The following DNMT3B variants were observed in gnomAD, a reference collection of about 807,000 sequenced individuals.
DNMT3B encodes DNA methyltransferase 3 beta.
A neutral mutation model predicts 120.2 loss-of-function variants in DNMT3B; 37 were observed. The observed-to-expected ratio is 0.31, with a 90% CI of 0.24 to 0.40. DNMT3B has a LOEUF of 0.40. Ranked by LOEUF, DNMT3B falls within the 10% of genes least tolerant of loss-of-function variation. The pLI is 1.00. For missense variants in DNMT3B, 878 were observed against 1,137.3 expected, an observed-to-expected ratio of 0.77 and a Z score of 3.28; for synonymous variants, 412 against 442.8, an observed-to-expected ratio of 0.93 and a Z score of 0.87.
intron 1 of DNMT3B, among the ~76,000 whole-genome samples, chr20:32,769,395 C>T (rs1392023273): frequency 6.6e-6 from 1 of 152,162 alleles, no homozygotes; most frequent in African/African-American, 2.4e-5. Flanking sequence ...CCCACTGTTG[C>T]AAATTTCTTT....
chr20:32,806,015 G>T (rs965501357), intron 21 of DNMT3B, among the ~76,000 whole-genome samples, 194 bp from the exon 22 acceptor site: 3 of 151,666 alleles, frequency 2.0e-5, no homozygotes, highest in Non-Finnish European at 4.4e-5. Flanking sequence ...TCTGCTTTTC[G>T]CTCCCTGCCC....
intron 22 of DNMT3B, among the ~76,000 whole-genome samples, chr20:32,806,825 AT>A (rs3838010): frequency 0.47 from 71,328 of 151,730 alleles, 17,797 homozygotes; most frequent in East Asian, 0.92. Context: ...TTGTTTGTTC[AT>A]TTTGCTTATA....
intron 15 of DNMT3B, 131 bp from the exon 16 acceptor site, chr20:32,799,113 C>T (rs896283981): frequency 1.0e-6 from 1 of 971,128 alleles, no homozygotes; most frequent in Non-Finnish European, 1.6e-6. Context: ...CCCATCAAGC[C>T]TTCAGTGGGC....
chr20:32,783,679 G>A (rs111701189), intron 3 of DNMT3B, among the ~76,000 whole-genome samples: 1 of 152,014 alleles, frequency 6.6e-6, no homozygotes, highest in Non-Finnish European at 1.5e-5. Flanking sequence ...CTGGTAGCTA[G>A]TTACCAGAAA....
intron 1 of DNMT3B, among the ~76,000 whole-genome samples, chr20:32,773,428 A>T (rs1028456515): frequency 1.3e-5 from 2 of 152,042 alleles, no homozygotes; most frequent in African/African-American, 4.8e-5. Flanking sequence ...TGGGGTGGAT[A>T]CTTCTTGATT....
intron 1 of DNMT3B, among the ~76,000 whole-genome samples, chr20:32,779,341 A>G (rs1488893549): frequency 6.6e-6 from 1 of 152,246 alleles, no homozygotes; most frequent in African/African-American, 2.4e-5. Context: ...TAGATGGGCT[A>G]TATGACCTTG....
intron 1 of DNMT3B, among the ~76,000 whole-genome samples, chr20:32,777,401 G>A (rs1988118249): frequency 6.6e-6 from 1 of 152,154 alleles, no homozygotes; most frequent in Non-Finnish European, 1.5e-5. Flanking sequence ...CTCCTGTCTG[G>A]CTTCTTGTTG....
chr20:32,807,004 T>C (rs1401107399), intron 22 of DNMT3B, among the ~76,000 whole-genome samples: 2 of 152,222 alleles, frequency 1.3e-5, no homozygotes, highest in East Asian at 3.8e-4. Flanking sequence ...TTTCTGAGTA[T>C]AAAAGTAACT....
In DNMT3B at chr20:32,805,530, C is replaced by T. The variant is rs1048911208; in HGVS notation, c.2301+123C>T. 1.2e-5 allele frequency: 12 copies of T among 1,036,428 alleles called. No individual in the cohort carries two copies. The Admixed American group carries it at 2.1e-4, about 18-fold the overall frequency. The allele number at this position is 1,036,428 out of a possible 1,614,324, so 64.2% of individuals were successfully genotyped here. On this transcript the variant is annotated intron_variant, in intron 21 of 22. Transcript: ENST00000328111. The stretch of plus-strand genomic sequence containing the variant: ...CCCCACGTGACTTCCTGGTGTTGGG[C>T]TTCCCTCTCCCACATGATTGTTCTG...
At position 32,780,442 on chromosome 20, in the gene DNMT3B, C is replaced by T; in HGVS notation, c.119C>T (p.Ala40Val). 1.2e-6 allele frequency: 2 copies of T among 1,613,518 alleles called. No homozygotes were observed. Among genetic ancestry groups the T allele is most frequent in the East Asian group, 2.2e-5 (1 of 44,884 alleles). The change falls in exon 2 of 23, where the codon GCT (alanine) becomes GTT (valine). Residue 40 changes from alanine (A) to valine (V), a missense_variant. By Grantham distance (64) the Ala-to-Val change is moderately conservative. This residue lies in a region of DNMT3B where 287 missense variants were observed against 306.2 expected (regional missense o/e 0.94). Coordinates refer to ENST00000328111, the MANE Select transcript of DNMT3B (RefSeq NM_006892.4). ...QSSDSPPILEAIRTPEIRGRR... is the reference protein window; with the variant it reads ...QSSDSPPILEVIRTPEIRGRR... Reference sequence around the variant, plus strand: ...TCCGACTCGCCCCCAATCCTGGAGGCTATCCGCACCCCGGAGATCAGAGGT... The same window carrying T: ...TCCGACTCGCCCCCAATCCTGGAGGTTATCCGCACCCCGGAGATCAGAGGT...
At chr20:32,799,169 C>A in intron 15 of DNMT3B, 75 bp from the exon 16 acceptor site, 1 of 1,517,234 alleles carries the variant, frequency 6.6e-7, no homozygotes, top group South Asian at 1.2e-5. Context: ...TGAGCAGGGT[C>A]AGCCTGCCCC....
chr20:32,798,788 C>G (rs1400041952), intron 15 of DNMT3B, 145 bp downstream of exon 15: 1 of 1,209,118 alleles, frequency 8.3e-7, no homozygotes, highest in Non-Finnish European at 1.2e-6. Flanking sequence ...TGGCGAATTG[C>G]CAGCTCCTCT....
In DNMT3B at chr20:32,808,915, A is replaced by T. The variant is rs1161291472; in HGVS notation, c.*1012A>T. On this transcript the variant is annotated 3_prime_UTR_variant, in exon 23 of 23. Coordinates refer to ENST00000328111, the MANE Select transcript of DNMT3B (RefSeq NM_006892.4). ...GCAGTGACAGCAGTCAGGGACAGACATACATTTCTCATACCTTCCCCACAT... is the reference window on the plus strand; with the variant it reads ...GCAGTGACAGCAGTCAGGGACAGACTTACATTTCTCATACCTTCCCCACAT... 1.3e-5 allele frequency: 3 copies of T among 222,466 alleles called. No individual in the cohort carries two copies. Among genetic ancestry groups the T allele is most frequent in the Non-Finnish European group, 2.7e-5 (3 of 111,310 alleles). 13.8% of individuals were successfully genotyped at this position (222,466 alleles called of 1,614,324 possible). A position where few individuals can be genotyped will look rare whatever the true frequency, so the allele number is the denominator to read the frequency against.
chr20:32,809,133 C>T lies in DNMT3B; in HGVS notation c.*1230C>T, dbSNP rs1007539274. On this transcript the variant is annotated 3_prime_UTR_variant, in exon 23 of 23. Coordinates refer to ENST00000328111, the MANE Select transcript of DNMT3B (RefSeq NM_006892.4). The stretch of plus-strand genomic sequence containing the variant: ...TGCTATTTTGTAGAATAAGGAACAA[C>T]GTTGACAAGTTTTGTGGGGCTTTTT... 2.3e-5 allele frequency: 5 copies of T among 215,102 alleles called. No homozygotes were observed. In the Admixed American group the frequency reaches 2.3e-4, roughly 10 times the overall value. The allele number at this position is 215,102 out of a possible 1,614,324, so 13.3% of individuals were successfully genotyped here. A position where few individuals can be genotyped will look rare whatever the true frequency, so the allele number is the denominator to read the frequency against.
At chr20:32,778,776 C>T (rs1447184761) in intron 1 of DNMT3B, among the ~76,000 whole-genome samples, 1 of 152,238 alleles carries the variant, frequency 6.6e-6, no homozygotes, top group Non-Finnish European at 1.5e-5. Context: ...GCCTGGGCAA[C>T]ATAGCCAGAC....
At chr20:32,786,712 G>A in intron 5 of DNMT3B, 85 bp downstream of exon 5, 3 of 1,598,422 alleles carry the variant, frequency 1.9e-6, no homozygotes, top group Non-Finnish European at 2.6e-6. Flanking sequence ...GTTGTGGCTG[G>A]TAGATAATCT....
At chr20:32,763,834 G>C (rs73258122) in intron 1 of DNMT3B, among the ~76,000 whole-genome samples, 2,716 of 152,268 alleles carry the variant, frequency 0.018, 67 homozygotes, top group African/African-American at 0.055. Context: ...CCCGAAGCTG[G>C]GAAGTGTTTG....
At position 32,791,682 on chromosome 20, in the gene DNMT3B, C is replaced by G; in HGVS notation, c.895C>G (p.Arg299Gly). 1 of 1,614,058 alleles carries G rather than the reference C, an allele frequency of 6.2e-7. No individual in the cohort carries two copies. Among genetic ancestry groups the G allele is most frequent in the East Asian group, 2.2e-5 (1 of 44,876 alleles). ...LATFNKLVSY[R>G]KAMYHALEKA... ...CACCTTCAATAAGCTCGTCTCCTAT[C>G]GAAAAGCCATGTACCATGCTCTGGA... The change falls in exon 8 of 23, where the codon CGA becomes GGA. Residue 299 changes from arginine to glycine, a missense_variant. By Grantham distance (125) the Arg-to-Gly change is moderately radical. This residue lies in a region of DNMT3B where 207 missense variants were observed against 222.6 expected (regional missense o/e 0.93). Transcript: ENST00000328111.
chr20:32,787,815 G>A (rs1200712815), intron 6 of DNMT3B, among the ~76,000 whole-genome samples: 1 of 152,170 alleles, frequency 6.6e-6, no homozygotes, highest in Admixed American at 6.6e-5. Context: ...CCTGAGTGCA[G>A]GTGGGCTGAG....
Sources: allele counts gnomAD v4.1 joint callset (sites outside exome capture counted in the v4.1 genomes callset), GRCh38; gene constraint gnomAD v4.1.1; regional missense constraint gnomAD v4.1.1; transcripts MANE v1.5; gene names NCBI Gene and HGNC (gene_info 2026-07-23, HGNC 2026-07-21).